The following STK39 variants were observed in gnomAD, a reference collection of about 807,000 sequenced individuals.
The protein encoded by STK39 is serine/threonine kinase 39.
In STK39, 20 loss-of-function variants were observed where a neutral mutation model predicts 77.8. That is an observed-to-expected ratio of 0.26 (90% CI 0.18 to 0.37). The LOEUF is 0.37. Ranked by LOEUF, STK39 falls within the 10% of genes least tolerant of loss-of-function variation. The probability of loss-of-function intolerance (pLI) is 1.00; values close to 1 mark genes in which losing one functional copy is unlikely to be tolerated. For missense variants in STK39, 479 were observed against 656.5 expected, an observed-to-expected ratio of 0.73 and a Z score of 2.95; for synonymous variants, 246 against 234.1, an observed-to-expected ratio of 1.05 and a Z score of -0.47.
intron 2 of STK39, among the ~76,000 whole-genome samples, chr2:168,174,562 A>T (rs537735748): frequency 1.3e-5 from 2 of 152,302 alleles, no homozygotes; most frequent in African/African-American, 4.8e-5. Context: ...TCAACAAACA[A>T]TAATGATGTC....
At position 167,955,551 on chromosome 2, in the gene STK39, G is replaced by C. The variant is rs762341266; in HGVS notation, c.1583C>G (p.Ser528Trp). The C allele has an allele frequency of 1.9e-6, 3 of 1,613,664 alleles. No individual in the cohort carries two copies. Among genetic ancestry groups the C allele is most frequent in the South Asian group, 2.2e-5 (2 of 90,966 alleles). Residue 528 changes from serine (S) to tryptophan (W), a missense_variant, in exon 18 of 18, where the codon TCG (serine) becomes TGG (tryptophan). By Grantham distance (177) the Ser-to-Trp change is radical. Transcript: ENST00000355999. ...TFKLASGCDGSEIPDEVKLIG... is the reference protein window; with the variant it reads ...TFKLASGCDGWEIPDEVKLIG... ...CAGCTTCACTTCATCAGGAATCTCC[G>C]ACCCATCACAGCCAGAAGCCTGAAA...
chr2:167,994,735 T>C (rs932610493), intron 16 of STK39, among the ~76,000 whole-genome samples: 9 of 152,200 alleles, frequency 5.9e-5, no homozygotes, highest in African/African-American at 2.2e-4. Context: ...CTTAGCATAA[T>C]GCTTTCGAGG....
chr2:168,094,825 C>T (rs1238209483), intron 10 of STK39, among the ~76,000 whole-genome samples: 2 of 152,166 alleles, frequency 1.3e-5, no homozygotes, highest in Non-Finnish European at 2.9e-5. Flanking sequence ...CCCAATGGAA[C>T]TTCCAACTCA....
At chr2:168,058,806 G>C (rs1034604966) in intron 14 of STK39, among the ~76,000 whole-genome samples, 1 of 152,216 alleles carries the variant, frequency 6.6e-6, no homozygotes, top group African/African-American at 2.4e-5. Flanking sequence ...AGCCTGCCTA[G>C]GGACTCTCAC....
At chr2:167,976,552 T>A (rs1198678829) in intron 16 of STK39, among the ~76,000 whole-genome samples, 1 of 152,218 alleles carries the variant, frequency 6.6e-6, no homozygotes, top group Admixed American at 6.5e-5. Flanking sequence ...CAGCCATGCC[T>A]GTAGATAACA....
intron 10 of STK39, among the ~76,000 whole-genome samples, chr2:168,124,310 C>A (rs907230199): frequency 2.6e-5 from 4 of 152,146 alleles, no homozygotes; most frequent in Non-Finnish European, 4.4e-5. Flanking sequence ...CCTCCTATGG[C>A]CAATATGTTT....
chr2:168,098,127 T>C (rs539274799), intron 10 of STK39, among the ~76,000 whole-genome samples: 53 of 152,238 alleles, frequency 3.5e-4, no homozygotes, highest in Non-Finnish European at 6.3e-4. Context: ...TAGTCAAATA[T>C]GCAATCTGGA....
intron 2 of STK39, among the ~76,000 whole-genome samples, chr2:168,170,785 A>G (rs1290042349): frequency 1.2e-4 from 19 of 152,162 alleles, no homozygotes. Context: ...GTCTAACTGG[A>G]GGAGAGTCTA....
At chr2:168,231,212 C>G (rs1326557917) in intron 1 of STK39, among the ~76,000 whole-genome samples, 1 of 152,118 alleles carries the variant, frequency 6.6e-6, no homozygotes, top group Admixed American at 6.5e-5. Context: ...AATACAAATA[C>G]CACTGCTTAA....
chr2:168,181,031 G>C (rs1465629462), intron 2 of STK39, among the ~76,000 whole-genome samples: 2 of 152,130 alleles, frequency 1.3e-5, no homozygotes, highest in African/African-American at 4.8e-5. Context: ...ACAAAAAGCT[G>C]TTGTTAATGA....
At chr2:168,093,365 G>A (rs969892127) in intron 10 of STK39, among the ~76,000 whole-genome samples, 19 of 152,206 alleles carry the variant, frequency 1.2e-4, no homozygotes, top group African/African-American at 4.3e-4. Flanking sequence ...ATGGCAGAAG[G>A]CGTGGGAGGA....
chr2:168,203,544 G>A (rs1401278843), intron 1 of STK39, among the ~76,000 whole-genome samples: 1 of 152,222 alleles, frequency 6.6e-6, no homozygotes, highest in African/African-American at 2.4e-5. Flanking sequence ...CTTTATCCAA[G>A]GTAGAGTTTA....
At chr2:168,004,997 CTTTTTTTTTTT>C (rs10563812) in intron 16 of STK39, among the ~76,000 whole-genome samples, 6 of 77,542 alleles carry the variant, frequency 7.7e-5, no homozygotes, top group African/African-American at 3.2e-4. Flanking sequence ...AGAAGGCCCT[CTTTTTTTTTTT>C]TTTTTTTTTT....
At chr2:168,053,367 G>A (rs1191847466) in intron 14 of STK39, among the ~76,000 whole-genome samples, 1 of 151,770 alleles carries the variant, frequency 6.6e-6, no homozygotes, top group East Asian at 1.9e-4. Flanking sequence ...AAAATAAAAA[G>A]TTTATACAAT....
intron 1 of STK39, among the ~76,000 whole-genome samples, chr2:168,196,249 T>C (rs1689466887): frequency 6.6e-6 from 1 of 152,388 alleles, no homozygotes; most frequent in Non-Finnish European, 1.5e-5. Context: ...ATTGAACATA[T>C]TTCACTGAGC....
intron 16 of STK39, among the ~76,000 whole-genome samples, chr2:168,003,503 T>C: frequency 6.7e-6 from 1 of 148,482 alleles, no homozygotes; most frequent in African/African-American, 2.6e-5. Context: ...GAAAAGATAA[T>C]TGGGAAACCA....
chr2:168,178,237 T>C (rs1395441052), intron 2 of STK39, among the ~76,000 whole-genome samples: 1 of 152,222 alleles, frequency 6.6e-6, no homozygotes, highest in Non-Finnish European at 1.5e-5. Flanking sequence ...AAAGCATCTA[T>C]GTTGGCACAG....
intron 1 of STK39, among the ~76,000 whole-genome samples, chr2:168,220,770 GATAATACA>G (rs1235030378): frequency 1.3e-5 from 2 of 152,162 alleles, no homozygotes; most frequent in African/African-American, 4.8e-5. Context: ...TTTTCTCAAA[GATAATACA>G]ATTGAACATG....
intron 14 of STK39, among the ~76,000 whole-genome samples, chr2:168,045,086 C>A (rs532112711): frequency 9.2e-5 from 14 of 151,990 alleles, no homozygotes; most frequent in East Asian, 1.9e-4. Context: ...CCAAAAAAAA[C>A]CCAACATTGT....
Sources: gnomAD v4.1 joint callset for allele counts (sites outside exome capture counted in the v4.1 genomes callset) on GRCh38, gnomAD v4.1.1 for gene constraint, MANE v1.5 for transcripts, NCBI Gene and HGNC (gene_info 2026-07-23, HGNC 2026-07-21) for gene names.